MYT1L: variants seen among roughly 807,000 people sequenced by gnomAD.
MYT1L encodes the protein myelin transcription factor 1 like, also known as myelin transcription factor 1-like protein.
In MYT1L, 12 loss-of-function variants were observed where a neutral mutation model predicts 126.7. The observed-to-expected ratio is 0.09, with a 90% confidence interval of 0.06 to 0.15. The LOEUF (loss-of-function observed/expected upper bound fraction) is 0.15. MYT1L is among the 10% of genes least tolerant of loss of function. The pLI, the probability that MYT1L is intolerant of heterozygous loss-of-function variation, is 1.00. For missense variants in MYT1L, 979 were observed against 1,585.2 expected, an observed-to-expected ratio of 0.62 and a Z score of 6.49; for synonymous variants, 541 against 604.2, an observed-to-expected ratio of 0.90 and a Z score of 1.53.
At chr2:1,989,285 A>G (rs1268388378) in intron 5 of MYT1L, among the ~76,000 whole-genome samples, 1 of 152,046 alleles carries the variant, frequency 6.6e-6, no homozygotes, top group Non-Finnish European at 1.5e-5. Flanking sequence ...CAGGCAAGGG[A>G]GCAGCTGAGA....
chr2:2,221,397 G>A (rs1183587605), intron 2 of MYT1L, among the ~76,000 whole-genome samples: 1 of 152,152 alleles, frequency 6.6e-6, no homozygotes, highest in Non-Finnish European at 1.5e-5. Context: ...TGGAGGTGAA[G>A]TCTGCTCAGA....
At chr2:1,837,207 G>A (rs2041023049) in intron 21 of MYT1L, among the ~76,000 whole-genome samples, 1 of 152,160 alleles carries the variant, frequency 6.6e-6, no homozygotes, top group African/African-American at 2.4e-5. Context: ...TCTGGCACCT[G>A]GTATTTGCTG....
intron 3 of MYT1L, among the ~76,000 whole-genome samples, chr2:2,080,624 C>A (rs1411041624): frequency 1.3e-5 from 2 of 152,006 alleles, no homozygotes; most frequent in African/African-American, 4.8e-5. Flanking sequence ...ATAAAAACCA[C>A]AATAGATACC....
intron 8 of MYT1L, among the ~76,000 whole-genome samples, chr2:1,960,533 G>A (rs2058876413): frequency 6.6e-6 from 1 of 152,202 alleles, no homozygotes; most frequent in African/African-American, 2.4e-5. Flanking sequence ...TGGCATGAAG[G>A]AAAATAAGAC....
intron 3 of MYT1L, among the ~76,000 whole-genome samples, chr2:2,108,298 A>G (rs1422109463): frequency 6.6e-6 from 1 of 152,190 alleles, no homozygotes; most frequent in Non-Finnish European, 1.5e-5. Context: ...ATTCCTCCTG[A>G]ACATGGATCC....
At chr2:2,330,023 A>T (rs568171933) in intron 1 of MYT1L, among the ~76,000 whole-genome samples, 1 of 152,136 alleles carries the variant, frequency 6.6e-6, no homozygotes, top group Non-Finnish European at 1.5e-5. Context: ...TTTAAAAATA[A>T]TTACATTTTT....
At position 1,791,368 on chromosome 2, in the gene MYT1L, T is replaced by C. The variant is rs2032054653; in HGVS notation, c.*499A>G. ...TATGAAACAATATGCACACAAAATG[T>C]ATTTCTTAAATTCCATAAAGTCCTC... On this transcript the variant is annotated 3_prime_UTR_variant, in exon 25 of 25. Coordinates refer to ENST00000647738, the MANE Select transcript of MYT1L (RefSeq NM_001303052.2). The surrounding 1 kb of genome is among the most constrained non-coding windows in gnomAD (Gnocchi z 6.0). 2.3e-6 allele frequency: 1 copy of C among 425,636 alleles called. No individual in the cohort carries two copies. The highest frequency in any genetic ancestry group is 3.1e-5 in the Admixed American group (1 of 32,078). The allele number at this position is 425,636 out of a possible 1,614,324, so 26.4% of individuals were successfully genotyped here.
intron 2 of MYT1L, among the ~76,000 whole-genome samples, chr2:2,248,139 T>G (rs1478399410): frequency 2.0e-5 from 3 of 149,856 alleles, no homozygotes; most frequent in Admixed American, 6.6e-5. Flanking sequence ...TTAGCCAGAT[T>G]AAGCAAAAAA....
chr2:2,236,493 CG>C (rs2094310136), intron 2 of MYT1L, among the ~76,000 whole-genome samples: 1 of 148,138 alleles, frequency 6.8e-6, no homozygotes, highest in African/African-American at 2.5e-5. Flanking sequence ...CCAGCACATC[CG>C]AACCCAACCC....
At chr2:2,297,560 A>G (rs1249046422) in intron 1 of MYT1L, among the ~76,000 whole-genome samples, 1 of 152,180 alleles carries the variant, frequency 6.6e-6, no homozygotes, top group African/African-American at 2.4e-5. Context: ...CCCCAGAGAC[A>G]GATTTTAAGA....
chr2:2,047,063 G>A (rs893265738), intron 4 of MYT1L, among the ~76,000 whole-genome samples: 10 of 151,956 alleles, frequency 6.6e-5, no homozygotes, highest in African/African-American at 1.2e-4. Context: ...ACGCCACTAC[G>A]TTTACCCATT....
At chr2:2,317,581 C>G (rs1445394323) in intron 1 of MYT1L, among the ~76,000 whole-genome samples, 1 of 151,834 alleles carries the variant, frequency 6.6e-6, no homozygotes, top group East Asian at 1.9e-4. Flanking sequence ...TGTGGAAAAT[C>G]TCACTTAGAA....
intron 4 of MYT1L, among the ~76,000 whole-genome samples, chr2:2,004,394 C>T (rs982318630): frequency 3.5e-5 from 5 of 143,812 alleles, no homozygotes; most frequent in Non-Finnish European, 7.4e-5. Flanking sequence ...GGCGTTCTTT[C>T]CTGCATGCGT....
chr2:2,269,717 G>A (rs1297259923), intron 2 of MYT1L, among the ~76,000 whole-genome samples: 1 of 152,106 alleles, frequency 6.6e-6, no homozygotes, highest in African/African-American at 2.4e-5. Context: ...TGGTATCAAG[G>A]CTCTCACGTC....
At chr2:2,139,978 A>G (rs1275375961) in intron 3 of MYT1L, among the ~76,000 whole-genome samples, 2 of 152,226 alleles carry the variant, frequency 1.3e-5, no homozygotes, top group African/African-American at 2.4e-5. Flanking sequence ...TGCATCATGT[A>G]TTAAAAATTA....
At chr2:1,820,931 AGG>A (rs765511449) in intron 21 of MYT1L, among the ~76,000 whole-genome samples, 11,015 of 152,220 alleles carry the variant, frequency 0.072, 492 homozygotes, top group African/African-American at 0.12. Context: ...AATATAACTA[AGG>A]TTTCCCCGAG....
chr2:1,988,376 A>G (rs1288682044), intron 5 of MYT1L, among the ~76,000 whole-genome samples: 1 of 152,214 alleles, frequency 6.6e-6, no homozygotes, highest in Non-Finnish European at 1.5e-5. Flanking sequence ...ACATCTCTGC[A>G]TGTGCTTTCC....
intron 2 of MYT1L, among the ~76,000 whole-genome samples, chr2:2,279,192 A>G (rs1385860242): frequency 6.6e-6 from 1 of 152,222 alleles, no homozygotes; most frequent in Non-Finnish European, 1.5e-5. Flanking sequence ...TAAGGCCACT[A>G]TGAAGTTCTG....
chr2:2,221,104 C>T (rs999834453), intron 2 of MYT1L, among the ~76,000 whole-genome samples: 1 of 152,168 alleles, frequency 6.6e-6, no homozygotes, highest in Admixed American at 6.5e-5. Flanking sequence ...CTTTTCTTCT[C>T]CTAAATTGTG....
Sources: allele counts gnomAD v4.1 joint callset (sites outside exome capture counted in the v4.1 genomes callset), GRCh38; gene constraint gnomAD v4.1.1; non-coding constraint Gnocchi (gnomAD v3.1); transcripts MANE v1.5; gene names NCBI Gene and HGNC (gene_info 2026-07-23, HGNC 2026-07-21).